DACH1: variants seen among roughly 807,000 people sequenced by gnomAD.
The protein encoded by DACH1 is dachshund family transcription factor 1, also known as dachshund homolog 1.
A neutral mutation model predicts 54.2 loss-of-function variants in DACH1; 12 were observed. That is an observed-to-expected ratio of 0.22 (90% CI 0.14 to 0.36). DACH1 has a LOEUF of 0.36. Among genes scored for constraint, DACH1 ranks in the 10% least tolerant of loss-of-function variants. DACH1 has a pLI of 1.00. For synonymous variants in DACH1, 386 were observed against 366.2 expected, an observed-to-expected ratio of 1.05 and a Z score of -0.62; for missense variants, 805 against 929.8, an observed-to-expected ratio of 0.87 and a Z score of 1.75.
intron 1 of DACH1, among the ~76,000 whole-genome samples, chr13:71,863,229 A>G (rs1289953045): frequency 6.6e-6 from 1 of 152,184 alleles, no homozygotes; most frequent in Admixed American, 6.5e-5. Context: ...TAGGGTAAAC[A>G]GTATATTTGG....
At chr13:71,441,102 T>G (rs1873971621) in intron 10 of DACH1, among the ~76,000 whole-genome samples, 1 of 152,092 alleles carries the variant, frequency 6.6e-6, no homozygotes, top group Admixed American at 6.6e-5. Flanking sequence ...AACTCCCATC[T>G]TACTCTTTAG....
At chr13:71,571,662 G>C (rs1313033349) in intron 4 of DACH1, among the ~76,000 whole-genome samples, 1 of 151,086 alleles carries the variant, frequency 6.6e-6, no homozygotes, top group Non-Finnish European at 1.5e-5. Context: ...TTTGTTTTTA[G>C]AGCCATTAAT....
intron 2 of DACH1, among the ~76,000 whole-genome samples, chr13:71,649,448 A>T (rs1306977514): frequency 7.9e-5 from 12 of 152,138 alleles, no homozygotes; most frequent in African/African-American, 2.9e-4. Flanking sequence ...TGCCCTGTAA[A>T]TGGGGCTGAC....
chr13:71,536,777 CTCTT>C (rs1344431175), intron 6 of DACH1, among the ~76,000 whole-genome samples: 2 of 152,026 alleles, frequency 1.3e-5, no homozygotes, highest in African/African-American at 2.4e-5. Context: ...CTTGAGCTTT[CTCTT>C]TCTATCATCC....
chr13:71,659,845 A>G (rs1234383734), intron 2 of DACH1, among the ~76,000 whole-genome samples: 2 of 152,096 alleles, frequency 1.3e-5, no homozygotes, highest in Non-Finnish European at 2.9e-5. Context: ...AATATCTTTA[A>G]TGGACATTGG....
At position 71,542,120 on chromosome 13, in the gene DACH1, G is replaced by A. The variant is rs1883171143; in HGVS notation, c.1570+14904C>T. 2.0e-5 allele frequency among the ~76,000 whole-genome samples: 3 copies of A among 151,414 alleles called. No individual in the cohort carries two copies. The South Asian group carries it at 6.3e-4, about 32-fold the overall frequency. On this transcript the variant is annotated intron_variant, in intron 6 of 10. Coordinates refer to ENST00000613252, the MANE Select transcript of DACH1 (RefSeq NM_080759.6). ...AAAAAATTAGCTGGGCATGGCAGTGGGCACCTGTAATCCCAGCTACTTAGT... is the reference window on the plus strand; with the variant it reads ...AAAAAATTAGCTGGGCATGGCAGTGAGCACCTGTAATCCCAGCTACTTAGT...
intron 1 of DACH1, among the ~76,000 whole-genome samples, chr13:71,822,279 C>A (rs1044397315): frequency 2.6e-5 from 4 of 152,080 alleles, no homozygotes; most frequent in South Asian, 2.1e-4. Flanking sequence ...AACAGAGATA[C>A]TCACAAAAGT....
intron 1 of DACH1, among the ~76,000 whole-genome samples, chr13:71,848,093 T>G (rs1385442598): frequency 6.6e-6 from 1 of 152,202 alleles, no homozygotes; most frequent in Non-Finnish European, 1.5e-5. Flanking sequence ...CATAGAATGC[T>G]CTGGCCTACT....
chr13:71,601,281 T>A (rs1422708821), intron 3 of DACH1, among the ~76,000 whole-genome samples: 1 of 152,034 alleles, frequency 6.6e-6, no homozygotes. Flanking sequence ...CCAGATATTA[T>A]CAGTGGGATT....
chr13:71,709,866 G>A (rs1882627695), intron 1 of DACH1, among the ~76,000 whole-genome samples: 1 of 152,086 alleles, frequency 6.6e-6, no homozygotes, highest in Non-Finnish European at 1.5e-5. Flanking sequence ...ATTTGACAGG[G>A]TTTTGCTCTG....
chr13:71,546,413 C>T lies in DACH1; in HGVS notation c.1570+10611G>A, dbSNP rs539191442. The stretch of plus-strand genomic sequence containing the variant: ...TAATAATGTATTTAATAAATGGCTC[C>T]TCCTGAAATATACCAATAAAATAAT... On this transcript the variant is annotated intron_variant, in intron 6 of 10. Coordinates refer to ENST00000613252, the MANE Select transcript of DACH1 (RefSeq NM_080759.6). Among the ~76,000 whole-genome samples, 12 of 151,892 alleles carry T rather than the reference C, an allele frequency of 7.9e-5. No individual in the cohort carries two copies. In the South Asian group the frequency reaches 2.5e-3, roughly 32 times the overall value.
At chr13:71,644,589 G>A (rs973043944) in intron 2 of DACH1, among the ~76,000 whole-genome samples, 10 of 152,176 alleles carry the variant, frequency 6.6e-5, no homozygotes, top group Non-Finnish European at 1.2e-4. Context: ...AAGAAAAGGG[G>A]AAAGAGAGCT....
intron 1 of DACH1, among the ~76,000 whole-genome samples, chr13:71,787,460 T>C (rs1003962922): frequency 6.6e-6 from 1 of 152,166 alleles, no homozygotes; most frequent in Non-Finnish European, 1.5e-5. Flanking sequence ...GGTTTTAGGA[T>C]TTTCAAAGCC....
intron 1 of DACH1, among the ~76,000 whole-genome samples, chr13:71,708,619 A>C (rs930054803): frequency 6.6e-6 from 1 of 152,006 alleles, no homozygotes; most frequent in African/African-American, 2.4e-5. Context: ...ATATATTATG[A>C]AGAATATATC....
chr13:71,841,564 G>A (rs1872854793), intron 1 of DACH1, among the ~76,000 whole-genome samples: 2 of 152,146 alleles, frequency 1.3e-5, no homozygotes, highest in South Asian at 4.1e-4. Context: ...ACTGTGAAAT[G>A]TAGGTGAAAA....
chr13:71,838,925 T>A (rs530739357), intron 1 of DACH1, among the ~76,000 whole-genome samples: 1 of 152,318 alleles, frequency 6.6e-6, no homozygotes, highest in South Asian at 2.1e-4. Context: ...TAACAGAGCT[T>A]TCATTTTTAT....
intron 1 of DACH1, among the ~76,000 whole-genome samples, chr13:71,772,338 TA>T (rs1885892101): frequency 6.6e-6 from 1 of 151,688 alleles, no homozygotes; most frequent in African/African-American, 2.4e-5. Flanking sequence ...GCACAATTTT[TA>T]AAAGTTTAAC....
In DACH1 at chr13:71,787,504, G is replaced by C. The variant is rs114622879; in HGVS notation, c.848+78418C>G. 8.9e-3 allele frequency among the ~76,000 whole-genome samples: 1,349 copies of C among 152,258 alleles called. 23 individuals are homozygous for C. Among genetic ancestry groups the C allele is most frequent in the African/African-American group, 0.031 (1,273 of 41,554 alleles). The stretch of plus-strand genomic sequence containing the variant: ...TGACACCTGATGATGAACCATTAAA[G>C]TTATGAGCCTTCGCAAATCATTGCT... On this transcript the variant is annotated intron_variant, in intron 1 of 10. Coordinates refer to ENST00000613252, the MANE Select transcript of DACH1 (RefSeq NM_080759.6).
intron 3 of DACH1, among the ~76,000 whole-genome samples, chr13:71,590,925 C>T (rs909038751): frequency 3.0e-4 from 38 of 125,116 alleles, no homozygotes; most frequent in African/African-American, 1.1e-3. Flanking sequence ...GTCAACCAGG[C>T]GGGAGTGCAG....
Sources: allele counts gnomAD v4.1 joint callset (sites outside exome capture counted in the v4.1 genomes callset), GRCh38; gene constraint gnomAD v4.1.1; transcripts MANE v1.5; gene names NCBI Gene and HGNC (gene_info 2026-07-23, HGNC 2026-07-21).